Variants in ACTR3B observed in about 807,000 individuals in gnomAD.
ACTR3B encodes the protein actin related protein 3B.
ACTR3B carries 8 observed loss-of-function variants against 59.0 expected under a neutral mutation model. The ratio of observed to expected loss-of-function variants is 0.14; its 90% CI spans 0.08 to 0.24. The LOEUF (loss-of-function observed/expected upper bound fraction) is 0.24. Among genes scored for constraint, ACTR3B ranks in the 10% least tolerant of loss-of-function variants. The probability of loss-of-function intolerance (pLI) is 1.00; values close to 1 mark genes in which losing one functional copy is unlikely to be tolerated. For synonymous variants in ACTR3B, 148 were observed against 197.9 expected (o/e 0.75, Z 2.12); for missense variants, 245 against 552.3 (o/e 0.44, Z 5.58).
intron 4 of ACTR3B, among the ~76,000 whole-genome samples, chr7:152,805,301 G>A (rs1158103941): frequency 3.3e-5 from 5 of 151,756 alleles, no homozygotes; most frequent in Non-Finnish European, 5.9e-5. Context: ...AGGGAGGGAG[G>A]AGGAAGAAGG....
chr7:152,792,898 G>A (rs1590269794), intron 2 of ACTR3B, among the ~76,000 whole-genome samples: 2 of 152,094 alleles, frequency 1.3e-5, no homozygotes, highest in Admixed American at 6.5e-5. Flanking sequence ...CTCTATTCTC[G>A]GGATATTTTT....
intron 1 of ACTR3B, among the ~76,000 whole-genome samples, chr7:152,763,297 G>C (rs1429650849): frequency 9.6e-6 from 1 of 104,098 alleles, no homozygotes; most frequent in African/African-American, 3.8e-5. Flanking sequence ...CCTGGTGACA[G>C]AGCGAGACTC....
intron 9 of ACTR3B, 150 bp from the exon 10 acceptor site, chr7:152,851,976 A>C: frequency 1.0e-6 from 1 of 994,494 alleles, no homozygotes; most frequent in Non-Finnish European, 1.5e-6. Flanking sequence ...CTTTTCCAAT[A>C]GCATTAAGTT....
At chr7:152,849,919 G>A (rs192207355) in intron 9 of ACTR3B, among the ~76,000 whole-genome samples, 17 of 152,292 alleles carry the variant, frequency 1.1e-4, no homozygotes, top group African/African-American at 4.1e-4. Context: ...GCTTCTCCAG[G>A]TGGAAGACCA....
chr7:152,852,952 C>T (rs1028342806), intron 10 of ACTR3B, among the ~76,000 whole-genome samples: 4 of 151,984 alleles, frequency 2.6e-5, no homozygotes, highest in East Asian at 1.9e-4. Flanking sequence ...CCACCAAGCC[C>T]GGCTAATTTT....
intron 9 of ACTR3B, among the ~76,000 whole-genome samples, chr7:152,847,900 G>A (rs1033706314): frequency 2.4e-4 from 36 of 152,134 alleles, no homozygotes; most frequent in Non-Finnish European, 2.9e-5. Context: ...AATGATGCGC[G>A]TTTCTTCCCG....
chr7:152,762,358 CT>C (rs1272418811), intron 1 of ACTR3B, among the ~76,000 whole-genome samples: 1 of 152,174 alleles, frequency 6.6e-6, no homozygotes, highest in Non-Finnish European at 1.5e-5. Flanking sequence ...CATTTTTCAA[CT>C]TTTTTTGAAA....
rs1361601768 is a variant in ACTR3B, at chr7:152,785,453, AGGGGGGAGGGGGAGGGGGAGG to A, written c.100+2213_100+2233del. On this transcript the variant is annotated intron_variant, in intron 2 of 11. Coordinates refer to ENST00000256001, the MANE Select transcript of ACTR3B (RefSeq NM_020445.6). ...AGAGAGGGGGAGGGGGAGGGGGGAG[AGGGGGGAGGGGGAGGGGGAGG>A]GAGAGAGAGAGAGAGAGACAGAGAG... Among the ~76,000 whole-genome samples the A allele has an allele frequency of 9.4e-3, 6 of 636 alleles. No individual in the cohort carries two copies. The East Asian group carries it at 0.11, about 11-fold the overall frequency. The allele number at this position is 636 out of a possible 152,430, so 0.4% of individuals were successfully genotyped here.
chr7:152,761,882 C>T (rs1590177607), intron 1 of ACTR3B, among the ~76,000 whole-genome samples: 1 of 152,170 alleles, frequency 6.6e-6, no homozygotes, highest in Non-Finnish European at 1.5e-5. Flanking sequence ...TAGGAAGTCA[C>T]CCTGAGCTTT....
In ACTR3B at chr7:152,794,722, A is replaced by G. The variant is rs545803201; in HGVS notation, c.101-5809A>G. On this transcript the variant is annotated intron_variant, in intron 2 of 11. Coordinates refer to ENST00000256001, the MANE Select transcript of ACTR3B (RefSeq NM_020445.6). Reference sequence around the variant, plus strand: ...GTGTGGTCAGAGATGGATGTTATCTATTTCTACAGATCACCTCAGTCGTCG... The same window carrying G: ...GTGTGGTCAGAGATGGATGTTATCTGTTTCTACAGATCACCTCAGTCGTCG... Among the ~76,000 whole-genome samples the G allele has an allele frequency of 2.9e-3, 435 of 151,746 alleles. 3 individuals carry two copies. The highest frequency in any genetic ancestry group is 1.0e-2 in the African/African-American group (414 of 41,436).
chr7:152,845,407 A>G (rs1798191144), intron 9 of ACTR3B, among the ~76,000 whole-genome samples: 1 of 152,062 alleles, frequency 6.6e-6, no homozygotes, highest in African/African-American at 2.4e-5. Context: ...TGTTGTCTTC[A>G]GGTTTTATTT....
intron 9 of ACTR3B, among the ~76,000 whole-genome samples, chr7:152,844,020 A>G (rs1170948891): frequency 2.0e-5 from 3 of 152,214 alleles, no homozygotes; most frequent in Non-Finnish European, 4.4e-5. Context: ...CTGAATAAAG[A>G]GTGTATCACT....
chr7:152,848,851 G>A (rs1798573650), intron 9 of ACTR3B, among the ~76,000 whole-genome samples: 1 of 152,202 alleles, frequency 6.6e-6, no homozygotes, highest in Admixed American at 6.5e-5. Flanking sequence ...AGCTGCAGCT[G>A]TGGTTGATGG....
At chr7:152,829,057 T>TATATACACAC in intron 9 of ACTR3B, among the ~76,000 whole-genome samples, 1 of 144,776 alleles carries the variant, frequency 6.9e-6, no homozygotes, top group African/African-American at 2.7e-5. Flanking sequence ...TATATATATA[T>TATATACACAC]ACACACACAC....
intron 6 of ACTR3B, 103 bp from the exon 7 acceptor site, chr7:152,820,196 T>C (rs1796035015): frequency 1.9e-6 from 3 of 1,552,154 alleles, no homozygotes; most frequent in Non-Finnish European, 2.6e-6. Flanking sequence ...GTCAGTGCCA[T>C]GAGGGGCAGA....
In ACTR3B at chr7:152,854,649, G is replaced by A; in HGVS notation, c.*96G>A. 1 of 1,309,402 alleles carries A rather than the reference G, an allele frequency of 7.6e-7. No homozygotes were observed. Among genetic ancestry groups the A allele is most frequent in the Non-Finnish European group, 1.1e-6 (1 of 920,640 alleles). 81.1% of individuals were successfully genotyped at this position (1,309,402 alleles called of 1,614,324 possible). Reference sequence around the variant, plus strand: ...CGCCGTTCTGTAAATAGCGACGTCGGTGTTGCTGCCCAGCAGCGTGCTTGC... The same window carrying A: ...CGCCGTTCTGTAAATAGCGACGTCGATGTTGCTGCCCAGCAGCGTGCTTGC... On this transcript the variant is annotated 3_prime_UTR_variant, in exon 12 of 12. Coordinates refer to ENST00000256001, the MANE Select transcript of ACTR3B (RefSeq NM_020445.6). This position sits in a 1 kb window ranked among gnomAD's most constrained non-coding sequence, Gnocchi z 4.9.
chr7:152,772,194 A>T (rs2098125663), intron 1 of ACTR3B, among the ~76,000 whole-genome samples: 1 of 152,112 alleles, frequency 6.6e-6, no homozygotes, highest in South Asian at 2.1e-4. Flanking sequence ...TCAACAGTGT[A>T]ATGTGCCAAA....
chr7:152,825,202 C>T (rs1796474937), intron 9 of ACTR3B, 80 bp downstream of exon 9: 3 of 1,377,212 alleles, frequency 2.2e-6, no homozygotes, highest in East Asian at 4.9e-5. Flanking sequence ...GTATTACTGT[C>T]TATTACTAGT....
chr7:152,784,723 G>A (rs1385232161), intron 2 of ACTR3B, among the ~76,000 whole-genome samples: 1 of 152,150 alleles, frequency 6.6e-6, no homozygotes, highest in African/African-American at 2.4e-5. Context: ...GCCTGCAGAG[G>A]GCTGCCTTCT....
Sources: gnomAD v4.1 joint callset for allele counts (sites outside exome capture counted in the v4.1 genomes callset) on GRCh38, gnomAD v4.1.1 for gene constraint, Gnocchi (gnomAD v3.1) non-coding constraint, MANE v1.5 for transcripts, NCBI Gene and HGNC (gene_info 2026-07-23, HGNC 2026-07-21) for gene names.